IGFBP3: variants seen among roughly 807,000 people sequenced by gnomAD.
IGFBP3 encodes the protein insulin like growth factor binding protein 3, also known as insulin-like growth factor-binding protein 3.
IGFBP3 carries 9 observed loss-of-function variants against 28.6 expected under a neutral mutation model. That is an observed-to-expected ratio of 0.31 (90% confidence interval 0.19 to 0.55). The LOEUF (loss-of-function observed/expected upper bound fraction) is 0.55. IGFBP3 is among the 20% of genes least tolerant of loss of function. The pLI is 0.93. For missense variants in IGFBP3, 382 were observed against 428.9 expected (o/e 0.89, Z 0.97); for synonymous variants, 185 against 188.2 (o/e 0.98, Z 0.14).
At chr7:45,914,619 A>T (rs1285339804) in intron 4 of IGFBP3, 186 bp downstream of exon 4, 8 of 521,972 alleles carry the variant, frequency 1.5e-5, no homozygotes, top group Admixed American at 3.5e-5. Flanking sequence ...GGTTGGGTTG[A>T]TGGGGTCTCC....
intron 3 of IGFBP3, 58 bp from the exon 4 acceptor site, chr7:45,915,003 G>A (rs1784591033): frequency 1.9e-6 from 3 of 1,597,704 alleles, no homozygotes; most frequent in African/African-American, 1.3e-5. Flanking sequence ...GTGTCAGGTC[G>A]GTGGCCAGGG....
At position 45,914,786 on chromosome 7, in the gene IGFBP3, G is replaced by A; in HGVS notation, c.*15+19C>T. The A allele has an allele frequency of 6.2e-7, 1 of 1,611,066 alleles. No individual in the cohort carries two copies. Among genetic ancestry groups the A allele is most frequent in the South Asian group, 1.1e-5 (1 of 90,794 alleles). Reference sequence around the variant, plus strand: ...CAGTGAGGCCCTGGAGCCCCAGGCTGCCCCTCCTGAGTACTCACCCTTGCG... The same window carrying A: ...CAGTGAGGCCCTGGAGCCCCAGGCTACCCCTCCTGAGTACTCACCCTTGCG... On this transcript the variant is annotated intron_variant, in intron 4 of 4. Transcript: ENST00000613132.
At chr7:45,917,540 T>C (rs1784625583) in intron 1 of IGFBP3, 101 bp from the exon 2 acceptor site, 1 of 954,374 alleles carries the variant, frequency 1.0e-6, no homozygotes, top group Non-Finnish European at 1.5e-6. Flanking sequence ...TAAATGACAA[T>C]ATTAGTTGGC....
chr7:45,915,754 T>C (rs1045302153), intron 3 of IGFBP3, among the ~76,000 whole-genome samples: 1 of 152,222 alleles, frequency 6.6e-6, no homozygotes, highest in Non-Finnish European at 1.5e-5. Context: ...AGACTGTTGT[T>C]TGATGTTGAT....
intron 1 of IGFBP3, among the ~76,000 whole-genome samples, chr7:45,918,540 C>T (rs1784643547): frequency 6.6e-6 from 1 of 152,206 alleles, no homozygotes; most frequent in Non-Finnish European, 1.5e-5. Flanking sequence ...GCTCCCAGGG[C>T]CTGTGGACCA....
At chr7:45,915,650 C>G (rs549670827) in intron 3 of IGFBP3, among the ~76,000 whole-genome samples, 1 of 99,998 alleles carries the variant, frequency 1.0e-5, no homozygotes, top group Non-Finnish European at 2.2e-5. Context: ...GGATTTTAGG[C>G]ATATGACTAC....
intron 3 of IGFBP3, among the ~76,000 whole-genome samples, chr7:45,915,652 T>A (rs1037942823): frequency 2.8e-4 from 8 of 28,108 alleles, no homozygotes; most frequent in Admixed American, 8.0e-4. Flanking sequence ...ATTTTAGGCA[T>A]ATGACTACAT....
intron 1 of IGFBP3, among the ~76,000 whole-genome samples, chr7:45,919,016 C>T (rs937567281): frequency 6.6e-6 from 1 of 152,194 alleles, no homozygotes; most frequent in Non-Finnish European, 1.5e-5. Context: ...TGTAAATACT[C>T]TAAGAACATG....
chr7:45,914,769 C>T, intron 4 of IGFBP3, 36 bp downstream of exon 4: 2 of 1,603,446 alleles, frequency 1.2e-6, no homozygotes, highest in Non-Finnish European at 1.7e-6. Flanking sequence ...GACAGTGAGG[C>T]CCTGGAGCCC....
In IGFBP3 at chr7:45,914,954, G is replaced by C. The variant is rs764999607; in HGVS notation, c.751-9C>G. On this transcript the variant is annotated splice_polypyrimidine_tract_variant and intron_variant, in intron 3 of 4. Transcript: ENST00000613132. ...CCTTTGGAAGGGCGACACTGTGGGAGAGAAACAGAAGACAGAGAAGTGAAT... is the reference window on the plus strand; with the variant it reads ...CCTTTGGAAGGGCGACACTGTGGGACAGAAACAGAAGACAGAGAAGTGAAT... 1.2e-6 allele frequency: 2 copies of C among 1,613,770 alleles called. No individual in the cohort carries two copies. The highest frequency in any genetic ancestry group is 4.5e-5 in the East Asian group (2 of 44,864).
rs1322833091 is a variant in IGFBP3, at chr7:45,913,424, T to G, written c.*426A>C. ...TGACCGGGGTTTAAAGGTTTTCCTATTCTCGATAAAGCCTGTGCGCACTGT... is the reference window on the plus strand; with the variant it reads ...TGACCGGGGTTTAAAGGTTTTCCTAGTCTCGATAAAGCCTGTGCGCACTGT... On this transcript the variant is annotated 3_prime_UTR_variant, in exon 5 of 5. Coordinates refer to ENST00000613132, the MANE Select transcript of IGFBP3 (RefSeq NM_000598.5). 6.6e-6 allele frequency: 1 copy of G among 152,214 alleles called. No homozygotes were observed. Among genetic ancestry groups the G allele is most frequent in the African/African-American group, 2.4e-5 (1 of 41,420 alleles). 9.4% of individuals were successfully genotyped at this position (152,214 alleles called of 1,614,324 possible).
At position 45,918,856 on chromosome 7, in the gene IGFBP3, G is replaced by T. The variant is rs1784647053; in HGVS notation, c.404-1417C>A. On this transcript the variant is annotated intron_variant, in intron 1 of 4. Transcript: ENST00000613132. The stretch of plus-strand genomic sequence containing the variant: ...GTCCTGCTGTAAAGTTCCCCAAGGG[G>T]TTTCATACCTTGGGAAGCACACATT... Among the ~76,000 whole-genome samples, 4 of 152,170 alleles carry T rather than the reference G, an allele frequency of 2.6e-5. No homozygotes were observed. In the South Asian group the frequency reaches 8.3e-4, roughly 32 times the overall value.
chr7:45,912,781 C>G lies in IGFBP3; in HGVS notation c.*1069G>C, dbSNP rs1027391168. ...TATATGTGTGAATTATAAAGAAAAG[C>G]ATGAGAATGACTCTAAGTTCAACAA... is the stretch of plus-strand genomic sequence containing the variant. On this transcript the variant is annotated 3_prime_UTR_variant, in exon 5 of 5. Transcript: ENST00000613132. 1.3e-5 allele frequency: 2 copies of G among 152,610 alleles called. No individual in the cohort carries two copies. Among genetic ancestry groups the G allele is most frequent in the African/African-American group, 4.8e-5 (2 of 41,444 alleles). 9.5% of individuals were successfully genotyped at this position (152,610 alleles called of 1,614,324 possible). A position where few individuals can be genotyped will look rare whatever the true frequency, so the allele number is the denominator to read the frequency against.
At position 45,912,559 on chromosome 7, in the gene IGFBP3, C is replaced by T. The variant is rs1784558369; in HGVS notation, c.*1291G>A. The T allele has an allele frequency of 6.6e-6, 1 of 152,594 alleles. No individual in the cohort carries two copies. The highest frequency in any genetic ancestry group is 1.5e-5 in the Non-Finnish European group (1 of 68,062). 9.5% of individuals were successfully genotyped at this position (152,594 alleles called of 1,614,324 possible). A position where few individuals can be genotyped will look rare whatever the true frequency, so the allele number is the denominator to read the frequency against. On this transcript the variant is annotated 3_prime_UTR_variant, in exon 5 of 5. Coordinates refer to ENST00000613132, the MANE Select transcript of IGFBP3 (RefSeq NM_000598.5). Reference sequence around the variant, plus strand: ...GCAGCAGGGCAGAGTCTCCCTGAGCCTGACTTTGCCAGACCTTCTTGGGTT... The same window carrying T: ...GCAGCAGGGCAGAGTCTCCCTGAGCTTGACTTTGCCAGACCTTCTTGGGTT...
At position 45,921,167 on chromosome 7, in the gene IGFBP3, T is replaced by A; in HGVS notation, c.-27A>T. 6.7e-7 allele frequency: 1 copy of A among 1,503,282 alleles called. No homozygotes were observed. The highest frequency in any genetic ancestry group is 8.8e-7 in the Non-Finnish European group (1 of 1,130,710). 93.1% of individuals were successfully genotyped at this position (1,503,282 alleles called of 1,614,324 possible). A position where few individuals can be genotyped will look rare whatever the true frequency, so the allele number is the denominator to read the frequency against. ...ACGCCTGCAACCGGGGCACGCTGCT[T>A]GGCAGGCTGGGCGCGCAGGGATGGG... On this transcript the variant is annotated 5_prime_UTR_variant, in exon 1 of 5. Coordinates refer to ENST00000613132, the MANE Select transcript of IGFBP3 (RefSeq NM_000598.5).
chr7:45,917,492 G>C, intron 1 of IGFBP3, 53 bp from the exon 2 acceptor site: 1 of 1,423,564 alleles, frequency 7.0e-7, no homozygotes, highest in South Asian at 1.3e-5. Context: ...ATCTATCACA[G>C]TCTTTTAAAA....
chr7:45,920,700 G>C (rs990748654), intron 1 of IGFBP3, 38 bp downstream of exon 1: 2 of 1,339,052 alleles, frequency 1.5e-6, no homozygotes, highest in East Asian at 6.2e-5. Context: ...CCAGTGCGCC[G>C]GGTGCTGCAC....
intron 2 of IGFBP3, 70 bp from the exon 3 acceptor site, chr7:45,916,737 T>C: frequency 1.3e-6 from 2 of 1,537,102 alleles, no homozygotes; most frequent in African/African-American, 1.4e-5. Flanking sequence ...TTAAAAATCT[T>C]ACGATGCTGC....
At chr7:45,919,203 T>C (rs1270871199) in intron 1 of IGFBP3, among the ~76,000 whole-genome samples, 1 of 152,204 alleles carries the variant, frequency 6.6e-6, no homozygotes, top group Non-Finnish European at 1.5e-5. Context: ...GTCAAATAGA[T>C]TCTAGAAGTC....
Sources: gnomAD v4.1 joint callset for allele counts (sites outside exome capture counted in the v4.1 genomes callset) on GRCh38, gnomAD v4.1.1 for gene constraint, MANE v1.5 for transcripts, NCBI Gene and HGNC (gene_info 2026-07-23, HGNC 2026-07-21) for gene names.